PEMT: variants seen among roughly 807,000 people sequenced by gnomAD.
The protein encoded by PEMT is phospholipid methyltransferase.
Under a neutral mutation model 27.4 loss-of-function variants are expected in PEMT, and 23 were observed. That is an observed-to-expected ratio of 0.84 (90% CI 0.60 to 1.19). The LOEUF is 1.19. Ranked by LOEUF, PEMT falls within the 50% of genes most tolerant of loss-of-function variation. The pLI is 0.00. For synonymous variants in PEMT, 137 were observed against 139.1 expected (o/e 0.98, Z 0.11); for missense variants, 307 against 310.1 (o/e 0.99, Z 0.07).
Position 17,512,248 on chromosome 17 carries a change from G to A in PEMT, c.466+261C>T, listed in dbSNP as rs1293559701. On this transcript the variant is annotated intron_variant, in intron 4 of 6. Transcript: ENST00000255389. The surrounding 1 kb of genome is among the most constrained non-coding windows in gnomAD (Gnocchi z 6.3). Reference sequence around the variant, plus strand: ...ACGGGCATTGAGTGCATCTTCATTAGCTGGAGAGAAGCAGCAGGAGCTGCC... The same window carrying A: ...ACGGGCATTGAGTGCATCTTCATTAACTGGAGAGAAGCAGCAGGAGCTGCC... 6.6e-6 allele frequency among the ~76,000 whole-genome samples: 1 copy of A among 152,224 alleles called. No individual in the cohort carries two copies. The highest frequency in any genetic ancestry group is 1.9e-4 in the East Asian group (1 of 5,186).
chr17:17,536,119 AC>A (rs907963957), intron 2 of PEMT, among the ~76,000 whole-genome samples: 2 of 152,234 alleles, frequency 1.3e-5, no homozygotes, highest in African/African-American at 4.8e-5. Flanking sequence ...CACCCACAGC[AC>A]AGTGACGTCA....
intron 1 of PEMT, chr17:17,577,573 G>A (rs887634723): frequency 9.5e-5 from 92 of 970,580 alleles, no homozygotes; most frequent in Admixed American, 4.1e-4. Flanking sequence ...CATACGGGGG[G>A]CACGTGGACA....
chr17:17,534,799 G>C (rs1180392140), intron 2 of PEMT, among the ~76,000 whole-genome samples: 1 of 152,126 alleles, frequency 6.6e-6, no homozygotes, highest in Non-Finnish European at 1.5e-5. Flanking sequence ...CTCCAGCCTG[G>C]GCGACAGAGC....
intron 5 of PEMT, chr17:17,507,026 G>C: frequency 1.3e-6 from 1 of 767,252 alleles, no homozygotes; most frequent in Non-Finnish European, 2.2e-6. Context: ...GGGGCTCTTT[G>C]CTGGTGACCA....
intron 2 of PEMT, among the ~76,000 whole-genome samples, chr17:17,563,336 T>TGG (rs1439608909): frequency 6.6e-6 from 1 of 152,114 alleles, no homozygotes; most frequent in Non-Finnish European, 1.5e-5. Context: ...CAGCCATTGG[T>TGG]GGGGCCAAAC....
intron 1 of PEMT, among the ~76,000 whole-genome samples, chr17:17,591,008 C>G (rs959843935): frequency 3.3e-5 from 5 of 152,150 alleles, no homozygotes; most frequent in African/African-American, 1.2e-4. Context: ...AGGCAGGGTC[C>G]CCACCACTCT....
In PEMT at chr17:17,582,615, T is replaced by C. The variant is rs1237970614; in HGVS notation, c.97-5588A>G. ...ATCCATCACCCCTGCAGAATCTGCCTGCAGCGCTGCAGCCCCCACTGCCCC... is the reference window on the plus strand; with the variant it reads ...ATCCATCACCCCTGCAGAATCTGCCCGCAGCGCTGCAGCCCCCACTGCCCC... On this transcript the variant is annotated intron_variant, in intron 1 of 6. Transcript: ENST00000255389. The surrounding 1 kb of genome is among the most constrained non-coding windows in gnomAD (Gnocchi z 4.9). 6.6e-6 allele frequency among the ~76,000 whole-genome samples: 1 copy of C among 152,228 alleles called. No individual in the cohort carries two copies. Among genetic ancestry groups the C allele is most frequent in the African/African-American group, 2.4e-5 (1 of 41,462 alleles).
intron 2 of PEMT, among the ~76,000 whole-genome samples, chr17:17,529,861 G>A (rs928029419): frequency 1.2e-4 from 18 of 152,308 alleles, no homozygotes; most frequent in African/African-American, 3.8e-4. Context: ...CCACTGGCAG[G>A]GGGAGGGGCT....
chr17:17,511,042 C>G (rs1463017876), intron 4 of PEMT, among the ~76,000 whole-genome samples: 1 of 152,178 alleles, frequency 6.6e-6, no homozygotes, highest in Admixed American at 6.5e-5. Context: ...GGGACCCCCC[C>G]TATGGCTCCC....
At chr17:17,530,941 G>A (rs1054673755) in intron 2 of PEMT, among the ~76,000 whole-genome samples, 8 of 151,912 alleles carry the variant, frequency 5.3e-5, no homozygotes, top group African/African-American at 1.9e-4. Context: ...TACTCGGGAG[G>A]CTGAGGCAGG....
chr17:17,562,430 C>T (rs1391591742), intron 2 of PEMT, among the ~76,000 whole-genome samples: 1 of 152,124 alleles, frequency 6.6e-6, no homozygotes, highest in African/African-American at 2.4e-5. Context: ...CACTGTCCCT[C>T]GCCACGGGCT....
chr17:17,569,340 C>A (rs1911038308), intron 2 of PEMT, among the ~76,000 whole-genome samples: 2 of 152,132 alleles, frequency 1.3e-5, no homozygotes, highest in African/African-American at 2.4e-5. Flanking sequence ...CCCAATGGAG[C>A]GAGAGGTCTT....
chr17:17,546,373 C>T (rs1441251829), intron 2 of PEMT, among the ~76,000 whole-genome samples: 1 of 152,224 alleles, frequency 6.6e-6, no homozygotes, highest in African/African-American at 2.4e-5. Context: ...ACCCACCAGG[C>T]AGAATCAAAT....
rs896184441 is a variant in PEMT, at chr17:17,513,227, G to A, written c.321-573C>T. 2.0e-5 allele frequency among the ~76,000 whole-genome samples: 3 copies of A among 152,228 alleles called. No homozygotes were observed. Among genetic ancestry groups the A allele is most frequent in the African/African-American group, 7.2e-5 (3 of 41,458 alleles). On this transcript the variant is annotated intron_variant, in intron 3 of 6. Coordinates refer to ENST00000255389, the MANE Select transcript of PEMT (RefSeq NM_148172.3). The surrounding 1 kb of genome is among the most constrained non-coding windows in gnomAD (Gnocchi z 4.1). ...ACTTGCATTTAAAGGCACTTTGGGG[G>A]CCCTTAATGTCCTCCTCCACACCTG...
At position 17,527,106 on chromosome 17, in the gene PEMT, C is replaced by T. The variant is rs538559276; in HGVS notation, c.205-4711G>A. Among the ~76,000 whole-genome samples, 10 of 152,324 alleles carry T rather than the reference C, an allele frequency of 6.6e-5. No individual in the cohort carries two copies. The East Asian group carries it at 1.2e-3, about 18-fold the overall frequency. On this transcript the variant is annotated intron_variant, in intron 2 of 6. Transcript: ENST00000255389. ...AGCCTGGAGTGCAACGGCGCAATCTCGGCTCACCACAACCTCCGCCTCCCG... is the reference window on the plus strand; with the variant it reads ...AGCCTGGAGTGCAACGGCGCAATCTTGGCTCACCACAACCTCCGCCTCCCG...
chr17:17,567,618 G>A (rs1352720704), intron 2 of PEMT, among the ~76,000 whole-genome samples: 1 of 152,282 alleles, frequency 6.6e-6, no homozygotes, highest in African/African-American at 2.4e-5. Context: ...CCCCAGCCAT[G>A]GAGCTGAAGC....
At position 17,523,605 on chromosome 17, in the gene PEMT, G is replaced by C. The variant is rs1229791939; in HGVS notation, c.205-1210C>G. Among the ~76,000 whole-genome samples, 1 of 152,182 alleles carries C rather than the reference G, an allele frequency of 6.6e-6. No individual in the cohort carries two copies. Among genetic ancestry groups the C allele is most frequent in the Middle Eastern group, 3.2e-3 (1 of 316 alleles). On this transcript the variant is annotated intron_variant, in intron 2 of 6. Transcript: ENST00000255389. This position sits in a 1 kb window ranked among gnomAD's most constrained non-coding sequence, Gnocchi z 4.8. ...GGCACTGCAGCCAATTCTCCCAGAAGGTAAGCAGGCCCTAGTCCAGGTCTC... is the reference window on the plus strand; with the variant it reads ...GGCACTGCAGCCAATTCTCCCAGAACGTAAGCAGGCCCTAGTCCAGGTCTC...
At chr17:17,557,583 G>A (rs1910146859) in intron 2 of PEMT, among the ~76,000 whole-genome samples, 1 of 152,206 alleles carries the variant, frequency 6.6e-6, no homozygotes, top group Admixed American at 6.5e-5. Context: ...ATGGCCAAAA[G>A]CCCACAGCGC....
chr17:17,585,210 C>T (rs959589885), intron 1 of PEMT, among the ~76,000 whole-genome samples: 10 of 152,090 alleles, frequency 6.6e-5, no homozygotes, highest in African/African-American at 1.2e-4. Context: ...TGGTGGCAGG[C>T]GCCTGTAATC....
Sources: gnomAD v4.1 joint callset for allele counts (sites outside exome capture counted in the v4.1 genomes callset) on GRCh38, gnomAD v4.1.1 for gene constraint, Gnocchi (gnomAD v3.1) non-coding constraint, MANE v1.5 for transcripts, NCBI Gene and HGNC (gene_info 2026-07-23, HGNC 2026-07-21) for gene names.